The following GASK1B variants were observed in gnomAD, a reference collection of about 807,000 sequenced individuals.
GASK1B encodes Golgi-associated kinase 1B.
Under a neutral mutation model 42.8 loss-of-function variants are expected in GASK1B, and 34 were observed. The ratio of observed to expected loss-of-function variants is 0.79; its 90% CI spans 0.60 to 1.06. GASK1B has a LOEUF of 1.06. Ranked by LOEUF, GASK1B falls within the 50% of genes least tolerant of loss-of-function variation. GASK1B has a pLI of 0.00. For synonymous variants in GASK1B, 262 were observed against 259.1 expected (o/e 1.01, Z -0.11); for missense variants, 686 against 661.0 (o/e 1.04, Z -0.42).
intron 3 of GASK1B, among the ~76,000 whole-genome samples, chr4:158,146,035 TCTTC>T (rs1307598670): frequency 1.3e-5 from 2 of 152,238 alleles, no homozygotes; most frequent in Non-Finnish European, 2.9e-5. Context: ...CTTCTAATTC[TCTTC>T]CTTTAACAAA....
At chr4:158,162,880 C>T (rs191159787) in intron 2 of GASK1B, among the ~76,000 whole-genome samples, 3 of 152,264 alleles carry the variant, frequency 2.0e-5, no homozygotes, top group African/African-American at 4.8e-5. Flanking sequence ...GAAGGGATAG[C>T]GGGAGGCAGT....
chr4:158,128,089 A>C (rs1730531311), intron 4 of GASK1B, among the ~76,000 whole-genome samples: 1 of 152,194 alleles, frequency 6.6e-6, no homozygotes, highest in Admixed American at 6.5e-5. Flanking sequence ...TACACAACTG[A>C]ATTTATGTGA....
rs1230308585 is a variant in GASK1B, at chr4:158,125,112, T to C, written c.*2295A>G. 1 of 152,236 alleles carries C rather than the reference T, an allele frequency of 6.6e-6. No individual in the cohort carries two copies. Among genetic ancestry groups the C allele is most frequent in the Non-Finnish European group, 1.5e-5 (1 of 68,034 alleles). 9.4% of individuals were successfully genotyped at this position (152,236 alleles called of 1,614,324 possible). ...TAAGACAAAAGAAGAACATTACCTA[T>C]TAGAATTAAAAGCCTGGCCTTCGGC... On this transcript the variant is annotated 3_prime_UTR_variant, in exon 5 of 5. Coordinates refer to ENST00000585682, the MANE Select transcript of GASK1B (RefSeq NM_001128424.2).
intron 2 of GASK1B, chr4:158,170,003 G>A (rs187260782): frequency 6.0e-4 from 313 of 522,372 alleles, no homozygotes; most frequent in African/African-American, 5.4e-3. Flanking sequence ...CTGGCTCTGC[G>A]CGGCTTAAGA....
chr4:158,137,991 G>A (rs1044561854), intron 3 of GASK1B, among the ~76,000 whole-genome samples: 1 of 152,142 alleles, frequency 6.6e-6, no homozygotes, highest in Non-Finnish European at 1.5e-5. Flanking sequence ...AGAATTCCAT[G>A]TTTAAAAATA....
Position 158,155,593 on chromosome 4 carries a change from T to C in GASK1B, c.1125+18A>G, listed in dbSNP as rs758195035. On this transcript the variant is annotated intron_variant, in intron 3 of 4. Coordinates refer to ENST00000585682, the MANE Select transcript of GASK1B (RefSeq NM_001128424.2). ...GCGCCAGTCTTAGATAACTATTTGC[T>C]TGATTTGATAAACTTACCTGTAACA... 17 of 1,605,428 alleles carry C rather than the reference T, an allele frequency of 1.1e-5. No individual in the cohort carries two copies. The Admixed American group carries it at 2.2e-4, about 21-fold the overall frequency.
intron 2 of GASK1B, among the ~76,000 whole-genome samples, chr4:158,158,659 T>A (rs1204356127): frequency 1.3e-5 from 2 of 152,066 alleles, no homozygotes; most frequent in Non-Finnish European, 2.9e-5. Context: ...TATTTTAGGT[T>A]TTGAGGGCCT....
intron 3 of GASK1B, among the ~76,000 whole-genome samples, chr4:158,134,485 C>T (rs1730805397): frequency 6.6e-6 from 1 of 152,138 alleles, no homozygotes; most frequent in Admixed American, 6.5e-5. Flanking sequence ...ATTATTGCTG[C>T]TTGTTCAAAT....
At chr4:158,155,966 T>C (rs1731744495) in intron 2 of GASK1B, 141 bp from the exon 3 acceptor site, 1 of 678,086 alleles carries the variant, frequency 1.5e-6, no homozygotes, top group Non-Finnish European at 2.5e-6. Context: ...TATGATCTCT[T>C]TGTCTTCTGG....
At chr4:158,167,168 A>C (rs1732258917) in intron 2 of GASK1B, 2 of 152,208 alleles carry the variant, frequency 1.3e-5, no homozygotes, top group African/African-American at 4.8e-5. Flanking sequence ...TTTAGGGTAG[A>C]TTACTTACAG....
Position 158,172,968 on chromosome 4 carries a change from G to GA in GASK1B, c.-326dup, listed in dbSNP as rs541559887. On this transcript the variant is annotated 5_prime_UTR_variant, in exon 1 of 5. An upstream open reading frame in the 5' UTR gains an earlier in-frame stop. Coordinates refer to ENST00000585682, the MANE Select transcript of GASK1B (RefSeq NM_001128424.2). ...AAGAAAGAGTTAATATAAATGAGGA[G>GA]AAAAAATAGAACAGTGAGATAAGAG... 1.3e-5 allele frequency: 2 copies of GA among 152,022 alleles called. No individual in the cohort carries two copies. The highest frequency in any genetic ancestry group is 2.1e-4 in the South Asian group (1 of 4,822). 9.4% of individuals were successfully genotyped at this position (152,022 alleles called of 1,614,324 possible). A position where few individuals can be genotyped will look rare whatever the true frequency, so the allele number is the denominator to read the frequency against.
chr4:158,151,287 C>T (rs552955911), intron 3 of GASK1B, among the ~76,000 whole-genome samples: 13 of 152,060 alleles, frequency 8.5e-5, no homozygotes, highest in African/African-American at 2.9e-4. Context: ...GAAAAATTTG[C>T]GATAAATTTA....
intron 4 of GASK1B, among the ~76,000 whole-genome samples, chr4:158,129,326 T>A (rs538019659): frequency 4.7e-4 from 71 of 152,196 alleles, no homozygotes; most frequent in Non-Finnish European, 7.2e-4. Context: ...ATCACCTTAG[T>A]AAGTGATGTC....
intron 3 of GASK1B, among the ~76,000 whole-genome samples, chr4:158,144,821 C>A (rs1731267987): frequency 6.6e-6 from 1 of 152,166 alleles, no homozygotes. Flanking sequence ...GAAACTATTT[C>A]ATTCGTTTGC....
chr4:158,146,578 C>T (rs1731339044), intron 3 of GASK1B, among the ~76,000 whole-genome samples: 1 of 152,110 alleles, frequency 6.6e-6, no homozygotes, highest in African/African-American at 2.4e-5. Flanking sequence ...TCCTATTTTA[C>T]AGATGAGGAC....
intron 2 of GASK1B, among the ~76,000 whole-genome samples, chr4:158,156,113 C>T (rs962195092): frequency 6.6e-5 from 10 of 152,120 alleles, no homozygotes; most frequent in Non-Finnish European, 5.9e-5. Flanking sequence ...CCAATAACAA[C>T]GTCCTATGGT....
chr4:158,161,354 T>G, intron 2 of GASK1B, among the ~76,000 whole-genome samples: 1 of 152,298 alleles, frequency 6.6e-6, no homozygotes, highest in Middle Eastern at 3.4e-3. Context: ...ATATGTTTCA[T>G]ATATTTATTT....
At chr4:158,164,886 T>C (rs933673808) in intron 2 of GASK1B, among the ~76,000 whole-genome samples, 3 of 152,186 alleles carry the variant, frequency 2.0e-5, no homozygotes, top group Admixed American at 6.5e-5. Flanking sequence ...GTGAAAAACA[T>C]ACCATATATT....
chr4:158,153,349 T>C (rs775499613), intron 3 of GASK1B, among the ~76,000 whole-genome samples: 27 of 152,250 alleles, frequency 1.8e-4, no homozygotes, highest in Admixed American at 3.3e-4. Flanking sequence ...AAAGAAATCA[T>C]AGGTGACACA....
Sources: gnomAD v4.1 joint callset for allele counts (sites outside exome capture counted in the v4.1 genomes callset) on GRCh38, gnomAD v4.1.1 for gene constraint, MANE v1.5 for transcripts, NCBI Gene and HGNC (gene_info 2026-07-23, HGNC 2026-07-21) for gene names.